The following COL4A4 variants were observed in gnomAD, a reference collection of about 807,000 sequenced individuals.
COL4A4 encodes collagen type IV alpha 4 chain.
Under a neutral mutation model 192.9 loss-of-function variants are expected in COL4A4, and 105 were observed. The ratio of observed to expected loss-of-function variants is 0.54; its 90% CI spans 0.46 to 0.64. The LOEUF (loss-of-function observed/expected upper bound fraction) is 0.64. Among genes scored for constraint, COL4A4 ranks in the 30% least tolerant of loss-of-function variants. The probability of loss-of-function intolerance (pLI) is 0.00; values close to 1 mark genes in which losing one functional copy is unlikely to be tolerated. For missense variants in COL4A4, 1,967 were observed against 2,169.3 expected (o/e 0.91, Z 1.85); for synonymous variants, 762 against 769.9 (o/e 0.99, Z 0.17).
chr2:227,014,142 C>CA (rs1452451650), intron 44 of COL4A4, among the ~76,000 whole-genome samples: 5 of 152,198 alleles, frequency 3.3e-5, no homozygotes, highest in African/African-American at 1.2e-4. Context: ...ACCCTGGACT[C>CA]AATCTTCCTC....
At chr2:227,046,490 C>T (rs935431715) in intron 35 of COL4A4, among the ~76,000 whole-genome samples, 7 of 152,066 alleles carry the variant, frequency 4.6e-5, no homozygotes, top group Admixed American at 2.0e-4. Flanking sequence ...ATTCAAACAA[C>T]GCATATTCCT....
At chr2:227,028,039 G>T in intron 41 of COL4A4, 30 bp from the exon 42 acceptor site, 1 of 1,410,592 alleles carries the variant, frequency 7.1e-7, no homozygotes, top group Non-Finnish European at 9.9e-7. Flanking sequence ...TAAAAATGAG[G>T]GCACTGGAAT....
the COL4A4 span, among the ~76,000 whole-genome samples, chr2:226,987,838 A>G: frequency 1.3e-5 from 2 of 152,228 alleles, no homozygotes; most frequent in African/African-American, 2.4e-5. Flanking sequence ...TCCAACCACC[A>G]CTTACTGCAT....
At chr2:227,081,611 A>G (rs1248219142) in intron 23 of COL4A4, among the ~76,000 whole-genome samples, 2 of 152,174 alleles carry the variant, frequency 1.3e-5, no homozygotes, top group Non-Finnish European at 2.9e-5. Flanking sequence ...TCACCTTGAG[A>G]TCATATGAGT....
chr2:227,094,915 T>C lies in COL4A4; in HGVS notation c.1205-626A>G, dbSNP rs1262081318. On this transcript the variant is annotated intron_variant, in intron 19 of 47. Transcript: ENST00000396625. ...TCAGAAGTAGAAAAAAAATAAGTGATGTATAAAGTTTGCTTTTCCACAGAA... is the reference window on the plus strand; with the variant it reads ...TCAGAAGTAGAAAAAAAATAAGTGACGTATAAAGTTTGCTTTTCCACAGAA... Among the ~76,000 whole-genome samples, 3 of 152,158 alleles carry C rather than the reference T, an allele frequency of 2.0e-5. No individual in the cohort carries two copies. The East Asian group carries it at 5.8e-4, about 29-fold the overall frequency.
intron 7 of COL4A4, among the ~76,000 whole-genome samples, chr2:227,117,683 G>A (rs532235793): frequency 6.6e-6 from 1 of 151,582 alleles, no homozygotes; most frequent in Non-Finnish European, 1.5e-5. Context: ...ATTTGGAAAG[G>A]TCAAATAATC....
intron 25 of COL4A4, among the ~76,000 whole-genome samples, chr2:227,070,180 C>T (rs1282920462): frequency 1.3e-5 from 2 of 152,092 alleles, no homozygotes; most frequent in Non-Finnish European, 2.9e-5. Flanking sequence ...TACCATCTCA[C>T]ACCAGTTAGA....
At chr2:227,133,611 G>A (rs1484162897) in intron 4 of COL4A4, among the ~76,000 whole-genome samples, 2 of 152,136 alleles carry the variant, frequency 1.3e-5, no homozygotes, top group African/African-American at 2.4e-5. Flanking sequence ...CTTACTCAAG[G>A]CCAGGCGTGG....
chr2:227,073,084 T>G (rs2058814860), intron 25 of COL4A4, among the ~76,000 whole-genome samples: 1 of 151,806 alleles, frequency 6.6e-6, no homozygotes, highest in South Asian at 2.1e-4. Flanking sequence ...AGCATCAAAA[T>G]TAGAAAAGAG....
At chr2:227,137,374 C>A (rs576647859) in intron 4 of COL4A4, among the ~76,000 whole-genome samples, 1 of 152,192 alleles carries the variant, frequency 6.6e-6, no homozygotes, top group African/African-American at 2.4e-5. Flanking sequence ...GATCTTTCCA[C>A]GATCATGGAG....
chr2:227,135,221 C>A (rs550015103), intron 4 of COL4A4, among the ~76,000 whole-genome samples: 1 of 146,760 alleles, frequency 6.8e-6, no homozygotes, highest in Non-Finnish European at 1.5e-5. Flanking sequence ...CCATGGGCTG[C>A]TAGAGCCGAG....
chr2:227,045,821 TATATATATATACACAC>T (rs1477355798), intron 35 of COL4A4, among the ~76,000 whole-genome samples: 603 of 51,232 alleles, frequency 0.012, 153 homozygotes, highest in African/African-American at 0.058. Context: ...TATATACACA[TATATATATATACACAC>T]ATATATATAT....
chr2:227,025,881 T>G, intron 42 of COL4A4, 71 bp from the exon 43 acceptor site: 1 of 1,434,316 alleles, frequency 7.0e-7, no homozygotes, highest in Non-Finnish European at 9.7e-7. Context: ...ATTTTAAATT[T>G]GTGGATTAGG....
At chr2:227,154,854 C>T (rs966463332) in intron 1 of COL4A4, among the ~76,000 whole-genome samples, 4 of 152,212 alleles carry the variant, frequency 2.6e-5, no homozygotes, top group African/African-American at 9.7e-5. Context: ...TGTTCAGAGT[C>T]AACCTAACCA....
the COL4A4 span, among the ~76,000 whole-genome samples, chr2:226,993,415 G>C: frequency 6.6e-6 from 1 of 152,178 alleles, no homozygotes; most frequent in African/African-American, 2.4e-5. Context: ...ACTCACAAGT[G>C]CAATTAAGAC....
intron 32 of COL4A4, 57 bp from the exon 33 acceptor site, chr2:227,051,215 T>A (rs1200362212): frequency 6.4e-7 from 1 of 1,559,248 alleles, no homozygotes; most frequent in Non-Finnish European, 8.8e-7. Context: ...AGGTAATAGT[T>A]AAGCTGAGGG....
At chr2:227,120,067 CATG>C (rs2061694483) in intron 5 of COL4A4, 128 bp from the exon 6 acceptor site, 1 of 627,734 alleles carries the variant, frequency 1.6e-6, no homozygotes, top group Non-Finnish European at 2.5e-6. Flanking sequence ...CTATTTTTTA[CATG>C]ATGAGTCTAA....
chr2:227,057,744 TTTC>T (rs1975831391), intron 28 of COL4A4, 144 bp from the exon 29 acceptor site: 1 of 837,602 alleles, frequency 1.2e-6, no homozygotes, highest in South Asian at 1.5e-5. Flanking sequence ...TTGAGTGGAT[TTTC>T]TTATCATAGA....
chr2:227,085,171 C>T (rs1006914399), intron 22 of COL4A4, among the ~76,000 whole-genome samples: 12 of 151,992 alleles, frequency 7.9e-5, no homozygotes, highest in African/African-American at 2.9e-4. Flanking sequence ...AAAAACACTT[C>T]CTCTCTGCCA....
Sources: gnomAD v4.1 joint callset for allele counts (sites outside exome capture counted in the v4.1 genomes callset) on GRCh38, gnomAD v4.1.1 for gene constraint, MANE v1.5 for transcripts, NCBI Gene and HGNC (gene_info 2026-07-23, HGNC 2026-07-21) for gene names.